The following SMARCA4 variants were observed in gnomAD, a reference collection of about 807,000 sequenced individuals.
SMARCA4 encodes the protein SWI/SNF related BAF chromatin remodeling complex subunit ATPase 4.
In SMARCA4, 31 loss-of-function variants were observed where a neutral mutation model predicts 193.9. The observed-to-expected ratio is 0.16, with a 90% CI of 0.12 to 0.22. SMARCA4 has a LOEUF of 0.22. SMARCA4 is among the 10% of genes least tolerant of loss of function. SMARCA4 has a pLI of 1.00. For synonymous variants in SMARCA4, 942 were observed against 933.1 expected (o/e 1.01, Z -0.17); for missense variants, 1,148 against 2,296.0 (o/e 0.50, Z 10.22).
In SMARCA4 at chr19:10,984,698, A is replaced by G. The variant is rs117283111; in HGVS notation, c.222+325A>G. Among the ~76,000 whole-genome samples the G allele has an allele frequency of 0.014, 2,113 of 152,368 alleles. 30 individuals carry two copies. Among genetic ancestry groups the G allele is most frequent in the Non-Finnish European group, 0.023 (1,543 of 68,030 alleles). On this transcript the variant is annotated intron_variant, in intron 2 of 34. Coordinates refer to ENST00000344626, the MANE Select transcript of SMARCA4 (RefSeq NM_003072.5). The surrounding 1 kb of genome is among the most constrained non-coding windows in gnomAD (Gnocchi z 4.3). ...TGAAGAAAAACATCCAAATTCCTAAAAAGGCTTTTAGCCACGTGGTTTCCC... is the reference window on the plus strand; with the variant it reads ...TGAAGAAAAACATCCAAATTCCTAAGAAGGCTTTTAGCCACGTGGTTTCCC...
At chr19:11,046,340 G>C (rs2075915818) in intron 30 of SMARCA4, among the ~76,000 whole-genome samples, 1 of 152,176 alleles carries the variant, frequency 6.6e-6, no homozygotes, top group Non-Finnish European at 1.5e-5. Context: ...CTTTGAAGAG[G>C]ACACCAACAT....
chr19:11,060,078 G>A lies in SMARCA4; in HGVS notation c.4802G>A (p.Arg1601Gln), dbSNP rs1484835507. Residue 1601 changes from arginine (R) to glutamine (Q), a missense_variant, in exon 34 of 35, where the codon CGG becomes CAG. Arg to Gln is a conservative substitution (Grantham distance 43). This residue lies in a region of SMARCA4 where 105 missense variants were observed against 133.7 expected (regional missense o/e 0.79). Coordinates refer to ENST00000344626, the MANE Select transcript of SMARCA4 (RefSeq NM_003072.5). ...GTCAAAGTGAAGATCAAGCTTGGCCGGAAGGAGAAGGCACAGGACCGGCTG... is the reference window on the plus strand; with the variant it reads ...GTCAAAGTGAAGATCAAGCTTGGCCAGAAGGAGAAGGCACAGGACCGGCTG... ...RSVKVKIKLG[R>Q]KEKAQDRLKG... 5 of 1,554,272 alleles carry A rather than the reference G, an allele frequency of 3.2e-6. No homozygotes were observed. The African/African-American group carries it at 5.5e-5, about 17-fold the overall frequency.
rs2086001466 is a variant in SMARCA4, at chr19:10,986,092, G to T, written c.356-97G>T. The T allele has an allele frequency of 3.8e-6, 4 of 1,062,822 alleles. No individual in the cohort carries two copies. The allele number at this position is 1,062,822 out of a possible 1,614,324, so 65.8% of individuals were successfully genotyped here. A position where few individuals can be genotyped will look rare whatever the true frequency, so the allele number is the denominator to read the frequency against. On this transcript the variant is annotated intron_variant, in intron 3 of 34. Transcript: ENST00000344626. This position sits in a 1 kb window ranked among gnomAD's most constrained non-coding sequence, Gnocchi z 6.7. ...CAAGAGAAGGATGCCATTTGGCTGT[G>T]CCCTGTCTCAGAGTAGGAGCTGGTG...
chr19:10,990,931 A>C (rs557868339), intron 7 of SMARCA4, among the ~76,000 whole-genome samples: 1 of 152,350 alleles, frequency 6.6e-6, no homozygotes, highest in African/African-American at 2.4e-5. Context: ...GAGGTCCGAG[A>C]GGACCCCCTG....
chr19:11,026,003 G>T (rs1030813135), intron 22 of SMARCA4, among the ~76,000 whole-genome samples: 2 of 152,210 alleles, frequency 1.3e-5, no homozygotes, highest in Admixed American at 1.3e-4. Flanking sequence ...GAGCCCCTGG[G>T]GCTGTCTCAG....
chr19:11,019,314 C>T lies in SMARCA4; in HGVS notation c.2506-277C>T. On this transcript the variant is annotated intron_variant, in intron 17 of 34. Transcript: ENST00000344626. The surrounding 1 kb of genome is among the most constrained non-coding windows in gnomAD (Gnocchi z 6.1). The stretch of plus-strand genomic sequence containing the variant: ...ACCCAGGAAGAGGGGAGCCTGTCAG[C>T]CACCAGGAATGTGCAGATGGCGGTG... 1.7e-6 allele frequency: 1 copy of T among 605,312 alleles called. No individual in the cohort carries two copies. Among genetic ancestry groups the T allele is most frequent in the Non-Finnish European group, 2.9e-6 (1 of 339,110 alleles). The allele number at this position is 605,312 out of a possible 1,614,324, so 37.5% of individuals were successfully genotyped here.
intron 30 of SMARCA4, among the ~76,000 whole-genome samples, chr19:11,049,619 C>T (rs2076145660): frequency 6.6e-6 from 1 of 151,962 alleles, no homozygotes; most frequent in Non-Finnish European, 1.5e-5. Flanking sequence ...GTGGCTGAGG[C>T]ATTTGGGGCA....
intron 29 of SMARCA4, among the ~76,000 whole-genome samples, chr19:11,038,410 C>T (rs544949409): frequency 5.2e-4 from 79 of 152,334 alleles, no homozygotes; most frequent in South Asian, 2.5e-3. Flanking sequence ...CCCGCCGCTC[C>T]GCCCTGGGTC....
intron 16 of SMARCA4, among the ~76,000 whole-genome samples, chr19:11,013,966 C>T (rs951771712): frequency 6.6e-6 from 1 of 152,154 alleles, no homozygotes; most frequent in Non-Finnish European, 1.5e-5. Flanking sequence ...AGCCCCTGCA[C>T]TAAAGGGGGA....
chr19:11,045,991 A>G (rs2075884386), intron 30 of SMARCA4, among the ~76,000 whole-genome samples: 1 of 152,156 alleles, frequency 6.6e-6, no homozygotes, highest in Non-Finnish European at 1.5e-5. Context: ...TGGGAGGCTG[A>G]GGCGAGCGGA....
intron 30 of SMARCA4, among the ~76,000 whole-genome samples, chr19:11,047,250 C>G (rs2075987268): frequency 6.6e-6 from 1 of 152,112 alleles, no homozygotes; most frequent in African/African-American, 2.4e-5. Flanking sequence ...TGTATGGGGC[C>G]TCTTGGGGGC....
chr19:11,060,303 G>T, intron 34 of SMARCA4, 116 bp downstream of exon 34: 1 of 1,324,748 alleles, frequency 7.5e-7, no homozygotes, highest in Non-Finnish European at 1.1e-6. Context: ...AGGTGGGAAA[G>T]CTGAGGCTTG....
chr19:10,967,708 C>CAG lies in SMARCA4; in HGVS notation c.-32+6535_-32+6536dup, dbSNP rs1341240327. 1.8e-3 allele frequency among the ~76,000 whole-genome samples: 224 copies of CAG among 126,222 alleles called. 1 individual carries two copies. The highest frequency in any genetic ancestry group is 0.012 in the Middle Eastern group (2 of 162). 82.8% of individuals were successfully genotyped at this position (126,222 alleles called of 152,430 possible). On this transcript the variant is annotated intron_variant, in intron 1 of 34. Transcript: ENST00000344626. Reference sequence around the variant, plus strand: ...TGGTTTTTTTTTTTTTTTTTGGAGACAGTTGTACTCTTTTCTCCCAGGCTG... The same window carrying CAG: ...TGGTTTTTTTTTTTTTTTTTGGAGACAGAGTTGTACTCTTTTCTCCCAGGCTG...
intron 30 of SMARCA4, among the ~76,000 whole-genome samples, chr19:11,048,754 G>T (rs758885531): frequency 6.6e-6 from 1 of 152,236 alleles, no homozygotes; most frequent in African/African-American, 2.4e-5. Context: ...GCTTTTGATC[G>T]TTGGAGATAC....
chr19:11,016,814 A>G (rs2089408559), intron 16 of SMARCA4, among the ~76,000 whole-genome samples: 1 of 152,046 alleles, frequency 6.6e-6, no homozygotes, highest in Admixed American at 6.6e-5. Context: ...CGCCCCCAGC[A>G]TCGGGTGAAT....
At position 11,041,093 on chromosome 19, in the gene SMARCA4, G is replaced by A. The variant is rs2075578642; in HGVS notation, c.4171-214G>A. On this transcript the variant is annotated intron_variant, in intron 29 of 34. Transcript: ENST00000344626. The surrounding 1 kb of genome is among the most constrained non-coding windows in gnomAD (Gnocchi z 5.6). ...AGTTTTTTAAAGACAAGCTTGGGTG[G>A]GGTGCCTGCTGGGGGCAGTGCTGGT... 2 of 560,822 alleles carry A rather than the reference G, an allele frequency of 3.6e-6. No homozygotes were observed. The highest frequency in any genetic ancestry group is 6.3e-6 in the Non-Finnish European group (2 of 318,532). 34.7% of individuals were successfully genotyped at this position (560,822 alleles called of 1,614,324 possible). A position where few individuals can be genotyped will look rare whatever the true frequency, so the allele number is the denominator to read the frequency against.
intron 7 of SMARCA4, 40 bp from the exon 8 acceptor site, chr19:10,991,110 A>T (rs2145876261): frequency 1.2e-6 from 2 of 1,611,020 alleles, no homozygotes; most frequent in Non-Finnish European, 1.7e-6. Context: ...GATGCCACAG[A>T]GCTGTGCAGT....
intron 22 of SMARCA4, 100 bp from the exon 23 acceptor site, chr19:11,026,200 G>A: frequency 1.1e-6 from 1 of 930,094 alleles, no homozygotes; most frequent in South Asian, 1.3e-5. Flanking sequence ...CACACAGTGT[G>A]GGGGCTTTGT....
chr19:11,044,183 G>A (rs969125656), intron 30 of SMARCA4, among the ~76,000 whole-genome samples: 2 of 151,918 alleles, frequency 1.3e-5, no homozygotes, highest in Non-Finnish European at 2.9e-5. Flanking sequence ...GATGAGCCTC[G>A]ACCACCCCCA....
Sources: allele counts gnomAD v4.1 joint callset (sites outside exome capture counted in the v4.1 genomes callset), GRCh38; gene constraint gnomAD v4.1.1; regional missense constraint gnomAD v4.1.1; non-coding constraint Gnocchi (gnomAD v3.1); transcripts MANE v1.5; gene names NCBI Gene and HGNC (gene_info 2026-07-23, HGNC 2026-07-21).